SOS2: variants seen among roughly 807,000 people sequenced by gnomAD.
SOS2 encodes son of sevenless homolog 2.
Under a neutral mutation model 148.2 loss-of-function variants are expected in SOS2, and 65 were observed. The ratio of observed to expected loss-of-function variants is 0.44; its 90% CI spans 0.36 to 0.54. The LOEUF is 0.54. Among genes scored for constraint, SOS2 ranks in the 20% least tolerant of loss-of-function variants. The pLI is 0.00. For synonymous variants in SOS2, 539 were observed against 537.1 expected (o/e 1.00, Z -0.05); for missense variants, 1,341 against 1,590.2 (o/e 0.84, Z 2.67).
At chr14:50,146,081 C>T (rs1329214209) in intron 14 of SOS2, among the ~76,000 whole-genome samples, 3 of 145,240 alleles carry the variant, frequency 2.1e-5, no homozygotes, top group Admixed American at 6.9e-5. Flanking sequence ...TGTGGTGAGC[C>T]GAGATCGCAC....
rs558498469 is a variant in SOS2 at position 50,210,097 on chromosome 14, CAT to C, written c.88-5690_88-5689del. ...TTTTTAAAATTACTAACAACAAAGT[CAT>C]ATGTCTGTAAGGAAGTACAAGGATT... On this transcript the variant is annotated intron_variant, in intron 1 of 22. Transcript: ENST00000216373. Among the ~76,000 whole-genome samples the C allele has an allele frequency of 9.4e-4, 143 of 152,230 alleles. 1 individual carries two copies. In the South Asian group the frequency reaches 0.029, roughly 31 times the overall value.
intron 13 of SOS2, among the ~76,000 whole-genome samples, chr14:50,150,673 C>T (rs1884633299): frequency 6.6e-6 from 1 of 151,768 alleles, no homozygotes; most frequent in Non-Finnish European, 1.5e-5. Context: ...GTGATCCTCC[C>T]ACCTCAGCCT....
chr14:50,156,403 T>C (rs1884822373), intron 12 of SOS2: 1 of 152,170 alleles, frequency 6.6e-6, no homozygotes, highest in South Asian at 2.1e-4. Context: ...ATAGTAATCA[T>C]GTTGTAAGAA....
At chr14:50,195,991 C>T (rs1399622617) in intron 4 of SOS2, among the ~76,000 whole-genome samples, 3 of 152,136 alleles carry the variant, frequency 2.0e-5, no homozygotes, top group Non-Finnish European at 4.4e-5. Flanking sequence ...CACACCACTG[C>T]ACTCCAACCT....
At chr14:50,149,310 T>A (rs1343593620) in intron 14 of SOS2, among the ~76,000 whole-genome samples, 3 of 152,186 alleles carry the variant, frequency 2.0e-5, no homozygotes, top group African/African-American at 7.2e-5. Flanking sequence ...GGAACACTAT[T>A]CGGCCATAAA....
chr14:50,177,465 C>T (rs574489448), intron 7 of SOS2, among the ~76,000 whole-genome samples: 1 of 151,904 alleles, frequency 6.6e-6, no homozygotes, highest in Non-Finnish European at 1.5e-5. Context: ...AAAAGGATTT[C>T]ATCTAACTCT....
At chr14:50,222,466 A>T (rs1271508135) in intron 1 of SOS2, among the ~76,000 whole-genome samples, 1 of 152,226 alleles carries the variant, frequency 6.6e-6, no homozygotes, top group South Asian at 2.1e-4. Context: ...ATGGGAAAAA[A>T]TACTGTGAAC....
chr14:50,152,605 G>A (rs981184160), intron 13 of SOS2, among the ~76,000 whole-genome samples: 3 of 152,128 alleles, frequency 2.0e-5, no homozygotes, highest in African/African-American at 4.8e-5. Context: ...CTAAACATAT[G>A]TGAGTTTCTT....
chr14:50,189,037 C>A (rs1282534850), intron 4 of SOS2, among the ~76,000 whole-genome samples: 1 of 145,694 alleles, frequency 6.9e-6, no homozygotes, highest in Non-Finnish European at 1.5e-5. Flanking sequence ...TGCACTCCAG[C>A]CTGGGCGACA....
rs1199524272 is a variant in SOS2 at position 50,199,742 on chromosome 14, C to T, written c.459G>A (p.Arg153=). The T allele has an allele frequency of 1.9e-6, 3 of 1,609,062 alleles. No homozygotes were observed. Among genetic ancestry groups the T allele is most frequent in the African/African-American group, 1.3e-5 (1 of 74,794 alleles). Residue 153 remains arginine, a synonymous_variant, in exon 4 of 23, where the codon CGG becomes CGA. Coordinates refer to ENST00000216373, the MANE Select transcript of SOS2 (RefSeq NM_006939.4). ...KLAGNYVFNI[R]HYEISQQDIK... ...TGTCCTGCTGAGATATTTCATAATG[C>T]CGGATATTAAAAACATAATTACCAG...
At chr14:50,158,972 CAGG>C (rs2139625465) in intron 10 of SOS2, among the ~76,000 whole-genome samples, 1 of 152,086 alleles carries the variant, frequency 6.6e-6, no homozygotes, top group South Asian at 2.1e-4. Flanking sequence ...ATCACGAGGT[CAGG>C]AGATCGAAAC....
At chr14:50,225,965 A>T (rs1225931469) in intron 1 of SOS2, among the ~76,000 whole-genome samples, 1 of 152,058 alleles carries the variant, frequency 6.6e-6, no homozygotes, top group African/African-American at 2.4e-5. Context: ...ACAAACAAAC[A>T]AACAAATCAT....
chr14:50,174,699 T>G, intron 7 of SOS2, 147 bp from the exon 8 acceptor site: 1 of 450,216 alleles, frequency 2.2e-6, no homozygotes. Flanking sequence ...GAAACTGAAG[T>G]GCTATCAAGT....
chr14:50,166,519 G>A (rs1021553638), intron 8 of SOS2, among the ~76,000 whole-genome samples: 3 of 152,116 alleles, frequency 2.0e-5, no homozygotes, highest in East Asian at 1.9e-4. Flanking sequence ...ATGACCCACC[G>A]CGCCTAGCTT....
At chr14:50,148,290 A>AT (rs1010599096) in intron 14 of SOS2, among the ~76,000 whole-genome samples, 9 of 151,754 alleles carry the variant, frequency 5.9e-5, no homozygotes, top group African/African-American at 9.7e-5. Context: ...CACACCTGTA[A>AT]TCCCAGCTAC....
chr14:50,131,442 G>A (rs1883861725), intron 19 of SOS2, among the ~76,000 whole-genome samples: 1 of 152,124 alleles, frequency 6.6e-6, no homozygotes, highest in Admixed American at 6.5e-5. Flanking sequence ...TTCAAAAAGT[G>A]CATGGCAAAT....
chr14:50,155,272 C>T (rs1474231121), intron 12 of SOS2, among the ~76,000 whole-genome samples: 2 of 151,974 alleles, frequency 1.3e-5, no homozygotes, highest in Admixed American at 1.3e-4. Context: ...GGTTTAATAA[C>T]TTGGCTTGGA....
chr14:50,159,388 G>T, intron 10 of SOS2, 43 bp downstream of exon 10: 7 of 1,341,518 alleles, frequency 5.2e-6, no homozygotes, highest in Non-Finnish European at 5.0e-6. Context: ...AAAGCTTTTG[G>T]GTCCCAGGCC....
chr14:50,228,312 G>A (rs994131041), intron 1 of SOS2, among the ~76,000 whole-genome samples: 2 of 151,888 alleles, frequency 1.3e-5, no homozygotes, highest in Non-Finnish European at 2.9e-5. Flanking sequence ...CCAGAGTGCT[G>A]GATTACAGGT....
Sources: gnomAD v4.1 joint callset for allele counts (sites outside exome capture counted in the v4.1 genomes callset) on GRCh38, gnomAD v4.1.1 for gene constraint, MANE v1.5 for transcripts, NCBI Gene and HGNC (gene_info 2026-07-23, HGNC 2026-07-21) for gene names.